RAB5B: variants seen among roughly 807,000 people sequenced by gnomAD.
RAB5B encodes RAB5B, member RAS oncogene family.
Under a neutral mutation model 28.6 loss-of-function variants are expected in RAB5B, and 11 were observed. That is an observed-to-expected ratio of 0.38 (90% CI 0.24 to 0.64). RAB5B has a LOEUF of 0.64. Ranked by LOEUF, RAB5B falls within the 30% of genes least tolerant of loss-of-function variation. RAB5B has a pLI of 0.53. For missense variants in RAB5B, 169 were observed against 265.6 expected (o/e 0.64, Z 2.53); for synonymous variants, 93 against 97.9 (o/e 0.95, Z 0.29).
At chr12:55,977,442 A>G (rs1192493068) in intron 1 of RAB5B, among the ~76,000 whole-genome samples, 2 of 152,164 alleles carry the variant, frequency 1.3e-5, no homozygotes, top group Non-Finnish European at 2.9e-5. Flanking sequence ...CCTTCAAGTC[A>G]TACCTCATAT....
chr12:55,991,136 C>A, intron 4 of RAB5B: 1 of 553,634 alleles, frequency 1.8e-6, no homozygotes, highest in Non-Finnish European at 3.2e-6. Context: ...ACCCTCTCCC[C>A]TATAATTAAG....
At position 55,992,602 on chromosome 12, in the gene RAB5B, C is replaced by G. The variant is rs1395665586; in HGVS notation, c.*390C>G. 6.7e-6 allele frequency: 3 copies of G among 449,252 alleles called. No individual in the cohort carries two copies. Among genetic ancestry groups the G allele is most frequent in the South Asian group, 4.8e-5 (3 of 62,190 alleles). The allele number at this position is 449,252 out of a possible 1,614,324, so 27.8% of individuals were successfully genotyped here. On this transcript the variant is annotated 3_prime_UTR_variant, in exon 6 of 6. Transcript: ENST00000360299. ...CTTCCCCTTCTGCTTTTGGTCAGTC[C>G]CTGTTCTTGAGCCTCTTTTCTCCTC...
At chr12:55,988,133 G>C (rs1890006703) in intron 2 of RAB5B, among the ~76,000 whole-genome samples, 2 of 151,512 alleles carry the variant, frequency 1.3e-5, no homozygotes, top group African/African-American at 4.9e-5. Context: ...TGGGTGACTA[G>C]AGTGAAAATC....
In RAB5B at chr12:55,992,444, C is replaced by G. The variant is rs1389577798; in HGVS notation, c.*232C>G. Reference sequence around the variant, plus strand: ...ACTCTGGGGCTTGGGGGTCAACTCCCCCCAGGACTTACCTTCCAAAACAAA... The same window carrying G: ...ACTCTGGGGCTTGGGGGTCAACTCCGCCCAGGACTTACCTTCCAAAACAAA... On this transcript the variant is annotated 3_prime_UTR_variant, in exon 6 of 6. Coordinates refer to ENST00000360299, the MANE Select transcript of RAB5B (RefSeq NM_002868.4). 1.5e-6 allele frequency: 1 copy of G among 676,990 alleles called. No individual in the cohort carries two copies. The highest frequency in any genetic ancestry group is 1.8e-5 in the African/African-American group (1 of 56,680). The allele number at this position is 676,990 out of a possible 1,614,324, so 41.9% of individuals were successfully genotyped here. A position where few individuals can be genotyped will look rare whatever the true frequency, so the allele number is the denominator to read the frequency against.
rs112530555 is a variant in RAB5B, at chr12:55,989,881, G to A, written c.164-66G>A. On this transcript the variant is annotated intron_variant, in intron 2 of 5. Coordinates refer to ENST00000360299, the MANE Select transcript of RAB5B (RefSeq NM_002868.4). The stretch of plus-strand genomic sequence containing the variant: ...GTGTAGGGCAGTTACATTTTGAAGG[G>A]GGGGAGGGATGTTCCCATTCATCCT... The A allele has an allele frequency of 1.2e-4, 178 of 1,532,722 alleles. 2 individuals are homozygous for A. The African/African-American group carries it at 1.4e-3, about 12-fold the overall frequency. The allele number at this position is 1,532,722 out of a possible 1,614,324, so 94.9% of individuals were successfully genotyped here.
intron 1 of RAB5B, among the ~76,000 whole-genome samples, chr12:55,982,619 T>C (rs1889841233): frequency 6.6e-6 from 1 of 152,178 alleles, no homozygotes; most frequent in African/African-American, 2.4e-5. Context: ...GGCTACATAT[T>C]AGGGTACGAG....
At chr12:55,979,961 T>G (rs1049620985) in intron 1 of RAB5B, among the ~76,000 whole-genome samples, 1 of 152,180 alleles carries the variant, frequency 6.6e-6, no homozygotes, top group Non-Finnish European at 1.5e-5. Flanking sequence ...ATTTTTTATT[T>G]ATTTATTTAT....
rs1209346868 is a variant in RAB5B, at chr12:55,993,476, G to C, written c.*1264G>C. 6.6e-6 allele frequency: 1 copy of C among 152,638 alleles called. No individual in the cohort carries two copies. Among genetic ancestry groups the C allele is most frequent in the East Asian group, 1.9e-4 (1 of 5,200 alleles). 9.5% of individuals were successfully genotyped at this position (152,638 alleles called of 1,614,324 possible). ...TCTCAGGATAGCACAGGCCAAGGTA[G>C]GGGAGTAAAAAGGAGGTCAGGCAAA... On this transcript the variant is annotated 3_prime_UTR_variant, in exon 6 of 6. Transcript: ENST00000360299.
rs573678500 is a variant in RAB5B at position 55,981,123 on chromosome 12, G to A, written c.-92-5746G>A. The stretch of plus-strand genomic sequence containing the variant: ...CTGTTGTCCAGGCTGGAGTGCAGTC[G>A]TGTGATCTCGGCTCACTGCTACCTC... On this transcript the variant is annotated intron_variant, in intron 1 of 5. Coordinates refer to ENST00000360299, the MANE Select transcript of RAB5B (RefSeq NM_002868.4). 1,317 of 1,148,112 alleles carry A rather than the reference G, an allele frequency of 1.1e-3. 4 individuals carry two copies. The highest frequency in any genetic ancestry group is 1.5e-3 in the Non-Finnish European group (1,152 of 790,922). The allele number at this position is 1,148,112 out of a possible 1,614,324, so 71.1% of individuals were successfully genotyped here.
intron 1 of RAB5B, among the ~76,000 whole-genome samples, chr12:55,977,554 T>G (rs1889680795): frequency 1.3e-5 from 2 of 152,190 alleles, no homozygotes; most frequent in South Asian, 4.1e-4. Flanking sequence ...TGGTATGAAT[T>G]TTACTTCTGA....
intron 1 of RAB5B, chr12:55,985,581 C>G: frequency 2.6e-6 from 1 of 389,490 alleles, no homozygotes; most frequent in South Asian, 1.9e-5. Flanking sequence ...ACTCTTCTCT[C>G]TGTTCCCTGC....
chr12:55,980,631 G>C (rs1889777262), intron 1 of RAB5B: 3 of 1,598,262 alleles, frequency 1.9e-6, no homozygotes, highest in Non-Finnish European at 2.6e-6. Flanking sequence ...TTATCGGCCT[G>C]CTCCTTCTGC....
At chr12:55,989,232 G>T (rs1890039706) in intron 2 of RAB5B, among the ~76,000 whole-genome samples, 1 of 151,844 alleles carries the variant, frequency 6.6e-6, no homozygotes, top group Non-Finnish European at 1.5e-5. Flanking sequence ...ATGAGCCACT[G>T]CGCCCAGCCA....
intron 1 of RAB5B, chr12:55,981,080 T>C: frequency 6.5e-7 from 1 of 1,546,564 alleles, no homozygotes; most frequent in Non-Finnish European, 8.9e-7. Context: ...ATTTATTTAT[T>C]TTTGAGACGG....
Position 55,987,035 on chromosome 12 carries a change from G to A in RAB5B, c.75G>A (p.Leu25=). 6.2e-7 allele frequency: 1 copy of A among 1,613,926 alleles called. No homozygotes were observed. Among genetic ancestry groups the A allele is most frequent in the South Asian group, 1.1e-5 (1 of 91,072 alleles). ...AAATTTGCCAGTTCAAATTGGTCCT[G>A]CTGGGAGAATCTGCAGTGGGAAAGT... ...ASKICQFKLV[L]LGESAVGKSS... The change falls in exon 2 of 6, where the codon CTG becomes CTA. Residue 25 remains leucine, a synonymous_variant. Coordinates refer to ENST00000360299, the MANE Select transcript of RAB5B (RefSeq NM_002868.4).
In RAB5B at chr12:55,990,258, A is replaced by C. The variant is rs1308325111; in HGVS notation, c.315+160A>C. ...CCCCGTCTCTACTAAAATTACAAAA[A>C]TTAGTTGGGCGTGGTGGTGCGCGCC... On this transcript the variant is annotated intron_variant, in intron 3 of 5. Transcript: ENST00000360299. 4.9e-6 allele frequency: 4 copies of C among 811,496 alleles called. No individual in the cohort carries two copies. In the African/African-American group the frequency reaches 7.0e-5, roughly 14 times the overall value. The allele number at this position is 811,496 out of a possible 1,614,324, so 50.3% of individuals were successfully genotyped here.
chr12:55,984,138 C>G (rs1283084769), intron 1 of RAB5B, among the ~76,000 whole-genome samples: 1 of 151,908 alleles, frequency 6.6e-6, no homozygotes, highest in African/African-American at 2.4e-5. Flanking sequence ...TCTGCCTCAG[C>G]CTCCCGAGTA....
At chr12:55,991,716 C>T (rs1890128693) in intron 5 of RAB5B, 2 of 425,526 alleles carry the variant, frequency 4.7e-6, no homozygotes, top group Non-Finnish European at 8.7e-6. Context: ...ATCACGAGGT[C>T]AAGAGATCAA....
In RAB5B at chr12:55,993,992, A is replaced by G. The variant is rs1293914160; in HGVS notation, c.*1780A>G. ...CAGCCCGGAGTTTTGGGAAAGAAAG[A>G]AAGGAAAGGTCACAGTGACCTAGGA... On this transcript the variant is annotated 3_prime_UTR_variant, in exon 6 of 6. Coordinates refer to ENST00000360299, the MANE Select transcript of RAB5B (RefSeq NM_002868.4). 1 of 152,538 alleles carries G rather than the reference A, an allele frequency of 6.6e-6. No individual in the cohort carries two copies. Among genetic ancestry groups the G allele is most frequent in the Non-Finnish European group, 1.5e-5 (1 of 68,040 alleles). The allele number at this position is 152,538 out of a possible 1,614,324, so 9.4% of individuals were successfully genotyped here.
Sources: allele counts gnomAD v4.1 joint callset (sites outside exome capture counted in the v4.1 genomes callset), GRCh38; gene constraint gnomAD v4.1.1; transcripts MANE v1.5; gene names NCBI Gene and HGNC (gene_info 2026-07-23, HGNC 2026-07-21).